GPR107: variants seen among roughly 807,000 people sequenced by gnomAD.
The protein encoded by GPR107 is protein GPR107.
A neutral mutation model predicts 75.5 loss-of-function variants in GPR107; 31 were observed. The ratio of observed to expected loss-of-function variants is 0.41; its 90% CI spans 0.31 to 0.55. The LOEUF is 0.55. GPR107 is among the 20% of genes least tolerant of loss of function. The probability of loss-of-function intolerance (pLI) is 0.26; values close to 1 mark genes in which losing one functional copy is unlikely to be tolerated. For synonymous variants in GPR107, 267 were observed against 251.3 expected (o/e 1.06, Z -0.59); for missense variants, 572 against 665.7 (o/e 0.86, Z 1.55).
intron 1 of GPR107, among the ~76,000 whole-genome samples, chr9:130,072,693 T>TA (rs1267455920): frequency 1.3e-5 from 2 of 151,422 alleles, no homozygotes; most frequent in Non-Finnish European, 1.5e-5. Context: ...TGCAAAGGTT[T>TA]AAAAAAAAGG....
chr9:130,088,113 C>G (rs1422237730), intron 7 of GPR107, among the ~76,000 whole-genome samples: 1 of 152,060 alleles, frequency 6.6e-6, no homozygotes, highest in African/African-American at 2.4e-5. Flanking sequence ...TGCTCAGAAC[C>G]CTCCAACAGC....
chr9:130,111,316 C>CA (rs1016962313), intron 14 of GPR107, among the ~76,000 whole-genome samples: 1 of 151,932 alleles, frequency 6.6e-6, no homozygotes, highest in East Asian at 2.0e-4. Flanking sequence ...CAAAACCACA[C>CA]AAAAAACTGT....
intron 12 of GPR107, among the ~76,000 whole-genome samples, chr9:130,102,213 A>G (rs1831048685): frequency 6.6e-6 from 1 of 152,094 alleles, no homozygotes; most frequent in Non-Finnish European, 1.5e-5. Flanking sequence ...CTGCTAAGCA[A>G]AACATGCTGA....
intron 16 of GPR107, 137 bp downstream of exon 16, chr9:130,127,703 A>G (rs540517051): frequency 2.6e-5 from 14 of 540,584 alleles, no homozygotes; most frequent in Non-Finnish European, 4.2e-5. Context: ...TTAACTAAAA[A>G]TTTTTTTTTT....
At chr9:130,059,313 C>T (rs1829871565) in intron 1 of GPR107, among the ~76,000 whole-genome samples, 2 of 152,086 alleles carry the variant, frequency 1.3e-5, no homozygotes, top group African/African-American at 4.8e-5. Flanking sequence ...CATGGTAAAA[C>T]CCTGTCTCTA....
intron 1 of GPR107, among the ~76,000 whole-genome samples, chr9:130,070,596 G>T (rs908258914): frequency 1.5e-4 from 23 of 152,090 alleles, no homozygotes; most frequent in Non-Finnish European, 3.4e-4. Context: ...GAGCCACCGC[G>T]CCTAGCCAAA....
chr9:130,101,317 C>G (rs74377395), intron 12 of GPR107, 94 bp downstream of exon 12: 4 of 727,008 alleles, frequency 5.5e-6, no homozygotes, highest in South Asian at 4.6e-5. Context: ...TCACCTCACC[C>G]TGAAACCCCA....
intron 14 of GPR107, among the ~76,000 whole-genome samples, chr9:130,110,745 G>A (rs951285941): frequency 1.5e-5 from 2 of 130,454 alleles, no homozygotes; most frequent in African/African-American, 2.9e-5. Context: ...ACTACAGGGC[G>A]GCTATGTGCT....
At chr9:130,089,197 C>A (rs955333948) in intron 7 of GPR107, among the ~76,000 whole-genome samples, 1 of 151,970 alleles carries the variant, frequency 6.6e-6, no homozygotes, top group Non-Finnish European at 1.5e-5. Flanking sequence ...TCAAATGCTT[C>A]CCTCTTTTTT....
Position 130,135,172 on chromosome 9 carries a change from A to G in GPR107, c.*51A>G, listed in dbSNP as rs994331575. ...GTCCAAGGAAACTGTTAACTTATTC[A>G]TAGTCCTATTGGACAGCAGGAGCAG... is the stretch of plus-strand genomic sequence containing the variant. On this transcript the variant is annotated 3_prime_UTR_variant, in exon 18 of 18. Transcript: ENST00000347136. 8 of 980,596 alleles carry G rather than the reference A, an allele frequency of 8.2e-6. No homozygotes were observed. Among genetic ancestry groups the G allele is most frequent in the African/African-American group, 1.6e-5 (1 of 62,280 alleles). The allele number at this position is 980,596 out of a possible 1,614,324, so 60.7% of individuals were successfully genotyped here.
At chr9:130,060,072 G>A (rs563814880) in intron 1 of GPR107, among the ~76,000 whole-genome samples, 1 of 150,764 alleles carries the variant, frequency 6.6e-6, no homozygotes, top group Admixed American at 6.6e-5. Flanking sequence ...TCGGGGGGAG[G>A]TTGGGGGGCG....
At chr9:130,080,738 G>T (rs1270893002) in intron 5 of GPR107, among the ~76,000 whole-genome samples, 1 of 151,480 alleles carries the variant, frequency 6.6e-6, no homozygotes, top group African/African-American at 2.4e-5. Flanking sequence ...TGATCCGCCC[G>T]CCTCGGCCTC....
intron 15 of GPR107, among the ~76,000 whole-genome samples, chr9:130,127,245 G>T (rs1377511008): frequency 6.6e-6 from 1 of 152,216 alleles, no homozygotes; most frequent in African/African-American, 2.4e-5. Context: ...TGTGCTCCCG[G>T]TGGGTGTGGC....
intron 12 of GPR107, among the ~76,000 whole-genome samples, chr9:130,101,820 T>C (rs1374697306): frequency 6.6e-6 from 1 of 152,210 alleles, no homozygotes; most frequent in Non-Finnish European, 1.5e-5. Flanking sequence ...GCTACCCTGC[T>C]CTGCTTGACC....
intron 14 of GPR107, among the ~76,000 whole-genome samples, chr9:130,122,024 G>A (rs1040697608): frequency 6.6e-6 from 1 of 151,936 alleles, no homozygotes; most frequent in Non-Finnish European, 1.5e-5. Flanking sequence ...CCCAGTAGCT[G>A]GGACTACAGG....
chr9:130,077,900 T>C (rs1830395456), intron 4 of GPR107, among the ~76,000 whole-genome samples: 1 of 152,174 alleles, frequency 6.6e-6, no homozygotes, highest in Non-Finnish European at 1.5e-5. Context: ...GCATGGTGGC[T>C]CATGCCTGTA....
chr9:130,096,468 CTTT>C (rs34230243), intron 9 of GPR107, among the ~76,000 whole-genome samples: 3 of 122,340 alleles, frequency 2.5e-5, no homozygotes, highest in Non-Finnish European at 1.6e-5. Flanking sequence ...CATTTTTGGA[CTTT>C]TTTTTTTTTT....
At chr9:130,100,130 C>T (rs763999830) in intron 10 of GPR107, among the ~76,000 whole-genome samples, 3 of 151,896 alleles carry the variant, frequency 2.0e-5, no homozygotes, top group African/African-American at 4.8e-5. Context: ...CTCCTGACCT[C>T]GTGATCCGCC....
In GPR107 at chr9:130,075,878, G is replaced by A. The variant is rs566810927; in HGVS notation, c.255+129G>A. The A allele has an allele frequency of 1.2e-4, 64 of 541,280 alleles. No individual in the cohort carries two copies. In the South Asian group the frequency reaches 1.4e-3, roughly 12 times the overall value. The allele number at this position is 541,280 out of a possible 1,614,324, so 33.5% of individuals were successfully genotyped here. On this transcript the variant is annotated intron_variant, in intron 2 of 17. Transcript: ENST00000347136. ...GCTCACTGCAACCTCCACCTCCCGG[G>A]TTCAAGCAGTTCTCTGCCTCAGCCT...
Sources: gnomAD v4.1 joint callset for allele counts (sites outside exome capture counted in the v4.1 genomes callset) on GRCh38, gnomAD v4.1.1 for gene constraint, MANE v1.5 for transcripts, NCBI Gene and HGNC (gene_info 2026-07-23, HGNC 2026-07-21) for gene names.